Variants in DPYSL5 observed in about 807,000 individuals in gnomAD.
DPYSL5 encodes dihydropyrimidinase-related protein 5.
DPYSL5 carries 9 observed loss-of-function variants against 58.4 expected under a neutral mutation model. The ratio of observed to expected loss-of-function variants is 0.15; its 90% CI spans 0.09 to 0.27. DPYSL5 has a LOEUF of 0.27. Ranked by LOEUF, DPYSL5 falls within the 10% of genes least tolerant of loss-of-function variation. DPYSL5 has a pLI of 1.00. For synonymous variants in DPYSL5, 293 were observed against 301.9 expected (o/e 0.97, Z 0.31); for missense variants, 499 against 770.6 (o/e 0.65, Z 4.17).
At chr2:26,939,886 C>T in intron 8 of DPYSL5, 145 bp from the exon 9 acceptor site, 1 of 1,058,124 alleles carries the variant, frequency 9.5e-7, no homozygotes, top group Non-Finnish European at 1.4e-6. Flanking sequence ...TAACTCACGA[C>T]AGACCACATG....
intron 1 of DPYSL5, among the ~76,000 whole-genome samples, chr2:26,867,086 T>C (rs529716070): frequency 6.6e-6 from 1 of 152,232 alleles, no homozygotes; most frequent in South Asian, 2.1e-4. Context: ...CACCACCCGT[T>C]CACCCTTAGG....
chr2:26,911,079 G>GTTTT lies in DPYSL5; in HGVS notation c.261+12335_261+12338dup, dbSNP rs57441106. 6.9e-4 allele frequency among the ~76,000 whole-genome samples: 69 copies of GTTTT among 100,402 alleles called. 1 individual carries two copies. The highest frequency in any genetic ancestry group is 2.0e-3 in the African/African-American group (52 of 25,814). The allele number at this position is 100,402 out of a possible 152,430, so 65.9% of individuals were successfully genotyped here. ...ACATGGTATGTGGTATCTATGTTCA[G>GTTTT]TTTTTTTTTTTTTTTTTTTGCAAAT... On this transcript the variant is annotated intron_variant, in intron 2 of 12. Coordinates refer to ENST00000288699, the MANE Select transcript of DPYSL5 (RefSeq NM_020134.4).
chr2:26,945,921 A>G (rs979177264), intron 12 of DPYSL5, among the ~76,000 whole-genome samples: 1 of 152,130 alleles, frequency 6.6e-6, no homozygotes, highest in African/African-American at 2.4e-5. Flanking sequence ...GGCCAGGCGC[A>G]GCTTGTGGCA....
chr2:26,848,758 C>T (rs911071740), intron 1 of DPYSL5, among the ~76,000 whole-genome samples: 1 of 152,220 alleles, frequency 6.6e-6, no homozygotes, highest in African/African-American at 2.4e-5. Flanking sequence ...TCTGCCCAGC[C>T]TGGACCCGAC....
chr2:26,900,973 A>C (rs985659231), intron 2 of DPYSL5, among the ~76,000 whole-genome samples: 2 of 152,084 alleles, frequency 1.3e-5, no homozygotes, highest in African/African-American at 2.4e-5. Flanking sequence ...TCCCCTGAGA[A>C]CCATCAGCTC....
chr2:26,932,192 A>G (rs1572715607), intron 6 of DPYSL5, among the ~76,000 whole-genome samples: 1 of 83,382 alleles, frequency 1.2e-5, no homozygotes, highest in South Asian at 4.4e-4. Context: ...AGAAAGAAAG[A>G]AAGAAAGAAA....
rs148941823 is a variant in DPYSL5, at chr2:26,890,717, C to T, written c.-4-7779C>T. ...ACCACAGACTGGGTGGCTTAAACTA[C>T]AGGAATTTATTTTCTCACAGTTCTG... On this transcript the variant is annotated intron_variant, in intron 1 of 12. Coordinates refer to ENST00000288699, the MANE Select transcript of DPYSL5 (RefSeq NM_020134.4). Among the ~76,000 whole-genome samples the T allele has an allele frequency of 1.9e-3, 294 of 152,314 alleles. 2 individuals carry two copies. The highest frequency in any genetic ancestry group is 6.9e-3 in the African/African-American group (285 of 41,576).
At chr2:26,858,748 TTTTTC>T (rs998019804) in intron 1 of DPYSL5, among the ~76,000 whole-genome samples, 2 of 118,860 alleles carry the variant, frequency 1.7e-5, no homozygotes, top group African/African-American at 3.4e-5. Flanking sequence ...TTTTTTTTTT[TTTTTC>T]CGTAGAGATA....
At chr2:26,902,489 G>A (rs1176903542) in intron 2 of DPYSL5, among the ~76,000 whole-genome samples, 3 of 152,090 alleles carry the variant, frequency 2.0e-5, no homozygotes, top group African/African-American at 7.2e-5. Flanking sequence ...GATATTGATA[G>A]CGAGGACAGA....
intron 8 of DPYSL5, among the ~76,000 whole-genome samples, chr2:26,938,024 AG>A (rs1665227122): frequency 6.6e-6 from 1 of 152,172 alleles, no homozygotes; most frequent in African/African-American, 2.4e-5. Context: ...GGTTTCTTAA[AG>A]GGACAAGAAA....
At chr2:26,894,814 C>A (rs895576516) in intron 1 of DPYSL5, among the ~76,000 whole-genome samples, 1 of 152,196 alleles carries the variant, frequency 6.6e-6, no homozygotes, top group Non-Finnish European at 1.5e-5. Context: ...TCATCAAAGT[C>A]TCACTGATTT....
intron 5 of DPYSL5, among the ~76,000 whole-genome samples, chr2:26,930,691 T>C (rs914755532): frequency 1.3e-5 from 2 of 151,864 alleles, no homozygotes; most frequent in African/African-American, 4.8e-5. Context: ...TAGCCAAGCA[T>C]GGGCCGGGCA....
chr2:26,892,252 T>C (rs989084098), intron 1 of DPYSL5, among the ~76,000 whole-genome samples: 1 of 152,144 alleles, frequency 6.6e-6, no homozygotes, highest in Non-Finnish European at 1.5e-5. Flanking sequence ...TTTGTGGAGG[T>C]TGCTGTGTGA....
intron 1 of DPYSL5, among the ~76,000 whole-genome samples, chr2:26,889,530 A>AG (rs1204091981): frequency 6.6e-6 from 1 of 151,624 alleles, no homozygotes; most frequent in East Asian, 1.9e-4. Flanking sequence ...TCAGCCTCCC[A>AG]AAGTGCTGGG....
At chr2:26,881,724 T>G (rs1663566880) in intron 1 of DPYSL5, among the ~76,000 whole-genome samples, 2 of 152,152 alleles carry the variant, frequency 1.3e-5, no homozygotes, top group Non-Finnish European at 2.9e-5. Flanking sequence ...TGGTGCCTCT[T>G]TGAAGGGGTC....
chr2:26,864,802 C>T (rs1666100317), intron 1 of DPYSL5, among the ~76,000 whole-genome samples: 1 of 152,126 alleles, frequency 6.6e-6, no homozygotes, highest in South Asian at 2.1e-4. Context: ...GAGAGGGGGA[C>T]AGACGCCCAA....
chr2:26,922,956 G>A (rs1315746219), intron 2 of DPYSL5, among the ~76,000 whole-genome samples: 1 of 152,164 alleles, frequency 6.6e-6, no homozygotes, highest in Non-Finnish European at 1.5e-5. Flanking sequence ...GGACGACTGG[G>A]AACATTCTCG....
At chr2:26,873,761 T>C (rs1264341954) in intron 1 of DPYSL5, among the ~76,000 whole-genome samples, 1 of 152,214 alleles carries the variant, frequency 6.6e-6, no homozygotes, top group Non-Finnish European at 1.5e-5. Context: ...GTTACATCTA[T>C]AAATGGATTA....
At chr2:26,932,368 C>T (rs1266498193) in intron 6 of DPYSL5, among the ~76,000 whole-genome samples, 1 of 152,198 alleles carries the variant, frequency 6.6e-6, no homozygotes, top group African/African-American at 2.4e-5. Flanking sequence ...TCACCACCAG[C>T]TTTCCATTCC....
Sources: allele counts gnomAD v4.1 joint callset (sites outside exome capture counted in the v4.1 genomes callset), GRCh38; gene constraint gnomAD v4.1.1; transcripts MANE v1.5; gene names NCBI Gene and HGNC (gene_info 2026-07-23, HGNC 2026-07-21).